Variants in CSMD1 observed in about 807,000 individuals in gnomAD.
CSMD1 encodes CUB and sushi domain-containing protein 1.
CSMD1 carries 213 observed loss-of-function variants against 417.5 expected under a neutral mutation model. The ratio of observed to expected loss-of-function variants is 0.51; its 90% CI spans 0.46 to 0.57. CSMD1 has a LOEUF of 0.57. Ranked by LOEUF, CSMD1 falls within the 20% of genes least tolerant of loss-of-function variation. The probability of loss-of-function intolerance (pLI) is 0.00; values close to 1 mark genes in which losing one functional copy is unlikely to be tolerated. For synonymous variants in CSMD1, 2,862 were observed against 1,736.8 expected, an observed-to-expected ratio of 1.65 and a Z score of -16.11; for missense variants, 6,923 against 4,529.7, an observed-to-expected ratio of 1.53 and a Z score of -15.17.
chr8:3,225,495 G>A (rs1019865387), intron 27 of CSMD1, among the ~76,000 whole-genome samples: 5 of 151,926 alleles, frequency 3.3e-5, no homozygotes, highest in African/African-American at 4.8e-5. Flanking sequence ...TGACAGCATC[G>A]AGCAGTACAA....
intron 5 of CSMD1, among the ~76,000 whole-genome samples, chr8:3,863,184 G>A (rs114027251): frequency 0.023 from 3,446 of 152,152 alleles, 50 homozygotes; most frequent in Middle Eastern, 0.055. Flanking sequence ...ATTACTTGAG[G>A]TCAGGAGTTT....
chr8:4,814,088 C>T (rs1799063991), intron 1 of CSMD1, among the ~76,000 whole-genome samples: 1 of 152,192 alleles, frequency 6.6e-6, no homozygotes, highest in South Asian at 2.1e-4. Flanking sequence ...TAATTTCAGA[C>T]AAAACATTTA....
intron 5 of CSMD1, among the ~76,000 whole-genome samples, chr8:3,845,363 C>T (rs569777166): frequency 3.9e-5 from 6 of 152,156 alleles, no homozygotes; most frequent in Non-Finnish European, 5.9e-5. Flanking sequence ...GGACCACACA[C>T]CTGTACTGCA....
intron 1 of CSMD1, among the ~76,000 whole-genome samples, chr8:4,802,513 C>T (rs950630551): frequency 5.3e-5 from 8 of 152,000 alleles, no homozygotes; most frequent in African/African-American, 1.7e-4. Context: ...TAAGAAAAGA[C>T]AGAGTGTGAA....
intron 1 of CSMD1, among the ~76,000 whole-genome samples, chr8:4,766,437 T>C (rs1157521285): frequency 1.3e-5 from 2 of 152,190 alleles, no homozygotes; most frequent in Non-Finnish European, 2.9e-5. Flanking sequence ...ATCACGAATA[T>C]ATACAGAAGG....
Position 3,108,765 on chromosome 8 carries a change from G to C in CSMD1, c.6609-17C>G, listed in dbSNP as rs778085387. ...GGACCGTCCCTAGGAAAGACAGAAA[G>C]AGGTGGCTGGCTAAGGATATTTACT... is the stretch of plus-strand genomic sequence containing the variant. On this transcript the variant is annotated splice_polypyrimidine_tract_variant and intron_variant, in intron 43 of 69. Transcript: ENST00000635120. The C allele has an allele frequency of 3.8e-6, 6 of 1,599,870 alleles. No individual in the cohort carries two copies. The African/African-American group carries it at 6.7e-5, about 18-fold the overall frequency.
chr8:3,606,238 G>C (rs1425351796), intron 8 of CSMD1, among the ~76,000 whole-genome samples: 1 of 152,144 alleles, frequency 6.6e-6, no homozygotes. Flanking sequence ...TGCAGTGTGA[G>C]AAATGCATTG....
chr8:4,567,990 C>G (rs1376029654), intron 2 of CSMD1, among the ~76,000 whole-genome samples: 1 of 152,122 alleles, frequency 6.6e-6, no homozygotes. Flanking sequence ...CTTTGAGTAT[C>G]AGTGATTTTC....
intron 2 of CSMD1, among the ~76,000 whole-genome samples, chr8:4,576,266 C>A (rs117918278): frequency 0.011 from 1,666 of 152,336 alleles, 63 homozygotes; most frequent in Admixed American, 0.082. Flanking sequence ...TACAAAAGCA[C>A]AAGGCTTCCT....
chr8:3,066,705 G>T (rs544129425), intron 49 of CSMD1, among the ~76,000 whole-genome samples: 1 of 152,254 alleles, frequency 6.6e-6, no homozygotes, highest in Admixed American at 6.5e-5. Flanking sequence ...CAGACTGAAG[G>T]CTGGTCATAA....
intron 3 of CSMD1, among the ~76,000 whole-genome samples, chr8:4,119,604 G>GGGC (rs1802364673): frequency 6.6e-6 from 1 of 152,102 alleles, no homozygotes; most frequent in Non-Finnish European, 1.5e-5. Context: ...CTAGGGAGGA[G>GGGC]ACCAGGACTT....
intron 12 of CSMD1, among the ~76,000 whole-genome samples, chr8:3,451,547 T>A (rs1815716749): frequency 6.6e-6 from 1 of 152,222 alleles, no homozygotes; most frequent in African/African-American, 2.4e-5. Context: ...TAGCCAGTTT[T>A]CCCAGCACCA....
intron 9 of CSMD1, among the ~76,000 whole-genome samples, chr8:3,584,527 A>C (rs545754119): frequency 2.9e-4 from 39 of 133,748 alleles, no homozygotes; most frequent in African/African-American, 8.1e-4. Flanking sequence ...CCTAAGTGAT[A>C]AGCACCTCTG....
In CSMD1 at chr8:4,411,274, T is replaced by G. The variant is rs570844352; in HGVS notation, c.415+8679A>C. Among the ~76,000 whole-genome samples, 5 of 152,316 alleles carry G rather than the reference T, an allele frequency of 3.3e-5. No homozygotes were observed. The East Asian group carries it at 9.6e-4, about 29-fold the overall frequency. On this transcript the variant is annotated intron_variant, in intron 3 of 69. Coordinates refer to ENST00000635120, the MANE Select transcript of CSMD1 (RefSeq NM_033225.6). ...AAAATTGATTATGAAATGGGCTCTATGGAGTTAACTTGCCCTTTACTATAT... is the reference window on the plus strand; with the variant it reads ...AAAATTGATTATGAAATGGGCTCTAGGGAGTTAACTTGCCCTTTACTATAT...
chr8:3,863,029 C>A (rs1288346274), intron 5 of CSMD1, among the ~76,000 whole-genome samples: 1 of 152,172 alleles, frequency 6.6e-6, no homozygotes, highest in Non-Finnish European at 1.5e-5. Context: ...TGCTTTGTCT[C>A]TGCCTCAAAG....
intron 3 of CSMD1, among the ~76,000 whole-genome samples, chr8:4,087,563 C>T (rs1358252902): frequency 6.6e-6 from 1 of 152,044 alleles, no homozygotes; most frequent in Non-Finnish European, 1.5e-5. Flanking sequence ...AATTTCTGTC[C>T]TTATACACTT....
At chr8:4,611,556 C>G (rs1209734479) in intron 2 of CSMD1, among the ~76,000 whole-genome samples, 8 of 152,126 alleles carry the variant, frequency 5.3e-5, no homozygotes, top group African/African-American at 1.9e-4. Context: ...GCCAAATTGC[C>G]TTCCCAGAAG....
intron 3 of CSMD1, among the ~76,000 whole-genome samples, chr8:4,106,325 A>T (rs1801566416): frequency 6.6e-6 from 1 of 152,216 alleles, no homozygotes; most frequent in African/African-American, 2.4e-5. Context: ...TTCTAAAAGG[A>T]AGTATCCACA....
intron 5 of CSMD1, among the ~76,000 whole-genome samples, chr8:3,842,912 A>G (rs1304607472): frequency 1.3e-5 from 2 of 152,176 alleles, no homozygotes; most frequent in Admixed American, 1.3e-4. Context: ...ATAAAATTTT[A>G]AAAACGCACT....
Sources: gnomAD v4.1 joint callset for allele counts (sites outside exome capture counted in the v4.1 genomes callset) on GRCh38, gnomAD v4.1.1 for gene constraint, MANE v1.5 for transcripts, NCBI Gene and HGNC (gene_info 2026-07-23, HGNC 2026-07-21) for gene names.